The following SIK3 variants were observed in gnomAD, a reference collection of about 807,000 sequenced individuals.
SIK3 encodes the protein SIK family kinase 3, also known as serine/threonine-protein kinase SIK3.
A neutral mutation model predicts 144.2 loss-of-function variants in SIK3; 28 were observed. The ratio of observed to expected loss-of-function variants is 0.19; its 90% CI spans 0.14 to 0.27. The LOEUF is 0.27. SIK3 is among the 10% of genes least tolerant of loss of function. SIK3 has a pLI of 1.00. For missense variants in SIK3, 1,319 were observed against 1,776.0 expected, an observed-to-expected ratio of 0.74 and a Z score of 4.62; for synonymous variants, 686 against 676.3, an observed-to-expected ratio of 1.01 and a Z score of -0.22.
At chr11:116,878,771 A>C (rs1026651016) in intron 6 of SIK3, among the ~76,000 whole-genome samples, 3 of 151,988 alleles carry the variant, frequency 2.0e-5, no homozygotes, top group African/African-American at 7.3e-5. Context: ...TGGCCTTTAC[A>C]TGTGTTTTTT....
At chr11:116,935,370 A>C (rs1055932582) in intron 3 of SIK3, among the ~76,000 whole-genome samples, 2 of 152,070 alleles carry the variant, frequency 1.3e-5, no homozygotes, top group Non-Finnish European at 2.9e-5. Flanking sequence ...CTTTTACAAA[A>C]ACACTTTTTT....
chr11:117,002,132 C>A (rs1206613828), intron 1 of SIK3, among the ~76,000 whole-genome samples: 1 of 152,146 alleles, frequency 6.6e-6, no homozygotes. Flanking sequence ...AATTCCTTTC[C>A]CCACTTTTAA....
At chr11:117,069,250 A>C (rs947048077) in intron 1 of SIK3, among the ~76,000 whole-genome samples, 4 of 152,000 alleles carry the variant, frequency 2.6e-5, no homozygotes, top group Admixed American at 2.6e-4. Flanking sequence ...AGTAGAAAGA[A>C]ATAATACAAT....
chr11:117,092,037 G>C (rs7946399), intron 1 of SIK3, among the ~76,000 whole-genome samples: 47,359 of 151,518 alleles, frequency 0.31, 9,553 homozygotes, highest in African/African-American at 0.58. Flanking sequence ...CCTGCCTCAT[G>C]CCCCCCCAAA....
chr11:116,947,552 TATGTATGTATGTATGTA>T (rs1948723524), intron 3 of SIK3, among the ~76,000 whole-genome samples: 1 of 68,608 alleles, frequency 1.5e-5, no homozygotes, highest in Non-Finnish European at 4.4e-5. Flanking sequence ...TGTATGTATG[TATGTATGTATGTATGTA>T]TTTTTTTTTT....
intron 1 of SIK3, among the ~76,000 whole-genome samples, chr11:117,069,409 G>C (rs992535921): frequency 2.6e-5 from 4 of 151,978 alleles, no homozygotes; most frequent in Admixed American, 2.0e-4. Flanking sequence ...TTTCTAAAAG[G>C]TAAGTACTTT....
intron 1 of SIK3, among the ~76,000 whole-genome samples, chr11:117,088,747 G>A (rs575737383): frequency 3.9e-5 from 6 of 152,266 alleles, no homozygotes; most frequent in Non-Finnish European, 7.4e-5. Context: ...TGCGATCATA[G>A]CTCACAGAAA....
chr11:116,997,106 G>A (rs1950696196), intron 1 of SIK3, among the ~76,000 whole-genome samples: 1 of 152,152 alleles, frequency 6.6e-6, no homozygotes, highest in South Asian at 2.1e-4. Flanking sequence ...GAGCAAACAA[G>A]ATTCAGGGGA....
intron 3 of SIK3, among the ~76,000 whole-genome samples, chr11:116,930,141 G>A (rs1277301142): frequency 6.6e-6 from 1 of 151,776 alleles, no homozygotes; most frequent in Admixed American, 6.6e-5. Context: ...TGTGTTTAGG[G>A]TTCAAGTTTT....
At chr11:116,850,145 C>G (rs1208492518) in intron 21 of SIK3, among the ~76,000 whole-genome samples, 1 of 152,220 alleles carries the variant, frequency 6.6e-6, no homozygotes, top group African/African-American at 2.4e-5. Context: ...CCCTTTGTTG[C>G]CAATCTCATG....
chr11:117,072,132 A>C (rs1028594688), intron 1 of SIK3, among the ~76,000 whole-genome samples: 2 of 152,180 alleles, frequency 1.3e-5, no homozygotes, highest in East Asian at 1.9e-4. Context: ...TCACACCTGT[A>C]ATCCCAGCAC....
intron 3 of SIK3, among the ~76,000 whole-genome samples, chr11:116,940,478 A>T (rs1948228832): frequency 6.6e-6 from 1 of 152,038 alleles, no homozygotes; most frequent in Non-Finnish European, 1.5e-5. Flanking sequence ...TGATCTGCCC[A>T]TCTCAGCCTC....
chr11:117,085,388 A>C (rs1021369786), intron 1 of SIK3, among the ~76,000 whole-genome samples: 2 of 151,976 alleles, frequency 1.3e-5, no homozygotes, highest in Admixed American at 1.3e-4. Context: ...AGACCTCCCA[A>C]AGTGCTGGGA....
At chr11:116,853,062 C>T (rs1339487440) in intron 21 of SIK3, among the ~76,000 whole-genome samples, 2 of 152,190 alleles carry the variant, frequency 1.3e-5, no homozygotes, top group Non-Finnish European at 2.9e-5. Flanking sequence ...AGCTCCCTCA[C>T]CAGCAAAGTG....
At chr11:117,031,687 A>ATTTTTTTTTT (rs57524562) in intron 1 of SIK3, among the ~76,000 whole-genome samples, 13 of 81,532 alleles carry the variant, frequency 1.6e-4, no homozygotes, top group South Asian at 5.3e-4. Context: ...CACCCGGCTA[A>ATTTTTTTTTT]TTTTTTTTTT....
At chr11:116,892,277 A>C (rs924384524) in intron 6 of SIK3, among the ~76,000 whole-genome samples, 1 of 152,154 alleles carries the variant, frequency 6.6e-6, no homozygotes, top group Non-Finnish European at 1.5e-5. Context: ...AAGATGGAGA[A>C]GGTGCTTCCA....
At position 116,946,003 on chromosome 11, in the gene SIK3, T is replaced by C. The variant is rs1042001157; in HGVS notation, c.454+8041A>G. ...ATGAAACATCTTTTTCACATTCTTC[T>C]ACCTAAAAAATTGCCTACACCCACA... On this transcript the variant is annotated intron_variant, in intron 3 of 24. Coordinates refer to ENST00000445177, the MANE Select transcript of SIK3 (RefSeq NM_001366686.3). 2.6e-5 allele frequency among the ~76,000 whole-genome samples: 4 copies of C among 152,228 alleles called. 1 individual carries two copies. Among genetic ancestry groups the C allele is most frequent in the Non-Finnish European group, 4.4e-5 (3 of 68,034 alleles).
rs1565613966 is a variant in SIK3, at chr11:117,070,051, C to T, written c.273+28092G>A. 3.3e-5 allele frequency among the ~76,000 whole-genome samples: 5 copies of T among 152,282 alleles called. No homozygotes were observed. In the South Asian group the frequency reaches 1.0e-3, roughly 32 times the overall value. ...TTTAAGCCCAAAAGATTACAACATG[C>T]TACTAAGAGATCAACATTAGCTTAG... On this transcript the variant is annotated intron_variant, in intron 1 of 24. Coordinates refer to ENST00000445177, the MANE Select transcript of SIK3 (RefSeq NM_001366686.3).
chr11:117,011,255 G>A (rs1328638195), intron 1 of SIK3, among the ~76,000 whole-genome samples: 1 of 151,948 alleles, frequency 6.6e-6, no homozygotes, highest in Admixed American at 6.6e-5. Context: ...CAAACTTTCT[G>A]CATTAAGGAT....
Sources: allele counts gnomAD v4.1 joint callset (sites outside exome capture counted in the v4.1 genomes callset), GRCh38; gene constraint gnomAD v4.1.1; transcripts MANE v1.5; gene names NCBI Gene and HGNC (gene_info 2026-07-23, HGNC 2026-07-21).